Variants in PIK3CD observed in about 807,000 individuals in gnomAD.
The protein encoded by PIK3CD is phosphatidylinositol-4,5-bisphosphate 3-kinase catalytic subunit delta.
Under a neutral mutation model 122.9 loss-of-function variants are expected in PIK3CD, and 20 were observed. That is an observed-to-expected ratio of 0.16 (90% CI 0.11 to 0.24). The LOEUF is 0.24. Among genes scored for constraint, PIK3CD ranks in the 10% least tolerant of loss-of-function variants. The pLI, the probability that PIK3CD is intolerant of heterozygous loss-of-function variation, is 1.00. For synonymous variants in PIK3CD, 596 were observed against 593.4 expected (o/e 1.00, Z -0.06); for missense variants, 787 against 1,406.3 (o/e 0.56, Z 7.04).
chr1:9,713,171 C>T (rs1036660958), intron 3 of PIK3CD, among the ~76,000 whole-genome samples: 2 of 151,632 alleles, frequency 1.3e-5, no homozygotes, highest in Non-Finnish European at 2.9e-5. Context: ...GCGACAAGAG[C>T]GAAACTCTGT....
rs764123726 is a variant in PIK3CD at position 9,653,956 on chromosome 1, A to G, written c.-138+2154A>G. 2.2e-6 allele frequency: 3 copies of G among 1,357,818 alleles called. No homozygotes were observed. The African/African-American group carries it at 4.4e-5, about 20-fold the overall frequency. The allele number at this position is 1,357,818 out of a possible 1,614,324, so 84.1% of individuals were successfully genotyped here. On this transcript the variant is annotated intron_variant, in intron 1 of 23. Coordinates refer to ENST00000377346, the MANE Select transcript of PIK3CD (RefSeq NM_005026.5). The stretch of plus-strand genomic sequence containing the variant: ...AGCGGTAGCTCATACCTGTCATCCC[A>G]GTGCTTTGGGAGGCCCAGACGGGAG...
intron 2 of PIK3CD, among the ~76,000 whole-genome samples, chr1:9,705,294 T>C (rs1293444551): frequency 3.7e-5 from 5 of 135,680 alleles, no homozygotes; most frequent in Non-Finnish European, 6.3e-5. Context: ...TAAAAACATA[T>C]ATTTTTTTAA....
In PIK3CD at chr1:9,718,121, T is replaced by C. The variant is rs765384547; in HGVS notation, c.1020+495T>C. On this transcript the variant is annotated intron_variant, in intron 8 of 23. Coordinates refer to ENST00000377346, the MANE Select transcript of PIK3CD (RefSeq NM_005026.5). This position sits in a 1 kb window ranked among gnomAD's most constrained non-coding sequence, Gnocchi z 7.2. ...AACAGCCTGCAGTCATGGGCTTTATTGTCCTGTTTGCTGGACATGATACCT... is the reference window on the plus strand; with the variant it reads ...AACAGCCTGCAGTCATGGGCTTTATCGTCCTGTTTGCTGGACATGATACCT... The C allele has an allele frequency of 2.2e-6, 1 of 463,848 alleles. No homozygotes were observed. The highest frequency in any genetic ancestry group is 1.5e-5 in the South Asian group (1 of 64,638). The allele number at this position is 463,848 out of a possible 1,614,324, so 28.7% of individuals were successfully genotyped here.
intron 6 of PIK3CD, 91 bp downstream of exon 6, chr1:9,716,710 T>C: frequency 7.2e-7 from 1 of 1,384,304 alleles, no homozygotes; most frequent in Non-Finnish European, 1.0e-6. Context: ...TGGGCGCACC[T>C]TGAGCCTGCC....
At position 9,718,266 on chromosome 1, in the gene PIK3CD, G is replaced by C; in HGVS notation, c.1021-428G>C. The C allele has an allele frequency of 2.1e-6, 1 of 466,794 alleles. No individual in the cohort carries two copies. The allele number at this position is 466,794 out of a possible 1,614,324, so 28.9% of individuals were successfully genotyped here. On this transcript the variant is annotated intron_variant, in intron 8 of 23. Transcript: ENST00000377346. This position sits in a 1 kb window ranked among gnomAD's most constrained non-coding sequence, Gnocchi z 7.2. ...GGGGACTGGATCAGAGGGACTTCCA[G>C]GGTGGTGGTGTCAGGTGGAATTGGA...
the PIK3CD span, among the ~76,000 whole-genome samples, chr1:9,644,658 A>G: frequency 1.3e-5 from 2 of 152,102 alleles, no homozygotes; most frequent in South Asian, 4.1e-4. Flanking sequence ...TTTATTTTTA[A>G]CTGTTGTCAT....
chr1:9,655,800 G>A (rs1049363390), intron 1 of PIK3CD, among the ~76,000 whole-genome samples: 1 of 149,250 alleles, frequency 6.7e-6, no homozygotes, highest in African/African-American at 2.5e-5. Context: ...AGGTTCAAGC[G>A]ATTCTCCCAC....
Position 9,715,700 on chromosome 1 carries a change from C to T in PIK3CD, c.301C>T (p.Leu101=), listed in dbSNP as rs1283019119. The T allele has an allele frequency of 9.9e-6, 16 of 1,613,652 alleles. No homozygotes were observed. Among genetic ancestry groups the T allele is most frequent in the Non-Finnish European group, 1.3e-5 (15 of 1,180,034 alleles). ...GCAGCCCTTCCTGCCCGTCCTGCGC[C>T]TGGTGGCCCGTGAGGGCGACCGCGT... ...DVQPFLPVLR[L]VAREGDRVKK... Residue 101 remains leucine (L), a synonymous_variant, in exon 4 of 24, where the codon CTG becomes TTG. Transcript: ENST00000377346. The surrounding 1 kb of genome is among the most constrained non-coding windows in gnomAD (Gnocchi z 4.1).
At chr1:9,645,926 A>ATTTTTT in the PIK3CD span, among the ~76,000 whole-genome samples, 3 of 150,792 alleles carry the variant, frequency 2.0e-5, no homozygotes. Context: ...TTTATTTTTT[A>ATTTTTT]TTTTTTTATT....
At position 9,691,947 on chromosome 1, in the gene PIK3CD, T is replaced by A. The variant is rs141774626; in HGVS notation, c.-33+376T>A. 1.8e-5 allele frequency: 3 copies of A among 165,412 alleles called. No homozygotes were observed. In the South Asian group the frequency reaches 6.1e-4, roughly 34 times the overall value. The allele number at this position is 165,412 out of a possible 1,614,324, so 10.2% of individuals were successfully genotyped here. A position where few individuals can be genotyped will look rare whatever the true frequency, so the allele number is the denominator to read the frequency against. ...AATATTAAAAGTTTTCTGGAGGAAATGGATTGAATTTTTATAATTCAGTGT... is the reference window on the plus strand; with the variant it reads ...AATATTAAAAGTTTTCTGGAGGAAAAGGATTGAATTTTTATAATTCAGTGT... On this transcript the variant is annotated intron_variant, in intron 2 of 23. Coordinates refer to ENST00000377346, the MANE Select transcript of PIK3CD (RefSeq NM_005026.5).
At position 9,727,668 on chromosome 1, in the gene PIK3CD, T is replaced by C. The variant is rs1430264359; in HGVS notation, c.*622T>C. ...CACCACACCTCTACGGCTGGGGAGA[T>C]CAGGCCCAGCCCCATAAAGGAGAAT... is the stretch of plus-strand genomic sequence containing the variant. On this transcript the variant is annotated 3_prime_UTR_variant, in exon 24 of 24. Coordinates refer to ENST00000377346, the MANE Select transcript of PIK3CD (RefSeq NM_005026.5). 6 of 218,384 alleles carry C rather than the reference T, an allele frequency of 2.7e-5. No homozygotes were observed. Among genetic ancestry groups the C allele is most frequent in the African/African-American group, 1.1e-4 (5 of 43,948 alleles). The allele number at this position is 218,384 out of a possible 1,614,324, so 13.5% of individuals were successfully genotyped here.
chr1:9,689,444 C>T lies in PIK3CD; in HGVS notation c.-137-2023C>T, dbSNP rs1045864638. 2.7e-5 allele frequency among the ~76,000 whole-genome samples: 4 copies of T among 149,902 alleles called. No homozygotes were observed. Among genetic ancestry groups the T allele is most frequent in the Non-Finnish European group, 6.0e-5 (4 of 67,104 alleles). ...GAGAATTTGCCGACGGTGCCCGCGC[C>T]GCCGCCGGCCCCGGCCCCGCCCCAG... On this transcript the variant is annotated intron_variant, in intron 1 of 23. Transcript: ENST00000377346. This position sits in a 1 kb window ranked among gnomAD's most constrained non-coding sequence, Gnocchi z 6.1.
intron 1 of PIK3CD, among the ~76,000 whole-genome samples, chr1:9,673,817 C>T (rs1172568561): frequency 6.6e-6 from 1 of 152,184 alleles, no homozygotes; most frequent in Non-Finnish European, 1.5e-5. Context: ...TACTAGGTTT[C>T]TGAAGCACTC....
rs561390898 is a variant in PIK3CD, at chr1:9,674,787, T to C, written c.-137-16680T>C. Among the ~76,000 whole-genome samples the C allele has an allele frequency of 3.3e-4, 50 of 151,864 alleles. 1 individual carries two copies. Among genetic ancestry groups the C allele is most frequent in the African/African-American group, 1.1e-3 (47 of 41,426 alleles). ...TGGTTCATGCTTGTAATCCCAGCAC[T>C]TTGGAAGGCTGAGGTGGGCAGATTG... On this transcript the variant is annotated intron_variant, in intron 1 of 23. Transcript: ENST00000377346.
At chr1:9,699,466 T>C (rs1646543696) in intron 2 of PIK3CD, among the ~76,000 whole-genome samples, 1 of 152,148 alleles carries the variant, frequency 6.6e-6, no homozygotes, top group African/African-American at 2.4e-5. Flanking sequence ...GATTTCTCCT[T>C]GTAATGATAC....
chr1:9,657,393 C>T (rs547216999), intron 1 of PIK3CD, among the ~76,000 whole-genome samples: 9 of 152,198 alleles, frequency 5.9e-5, no homozygotes, highest in Middle Eastern at 3.4e-3. Flanking sequence ...TTTCTGGGGA[C>T]GGTGGGAAGT....
chr1:9,701,071 G>A (rs972193930), intron 2 of PIK3CD, among the ~76,000 whole-genome samples: 3 of 151,936 alleles, frequency 2.0e-5, no homozygotes, highest in East Asian at 1.9e-4. Context: ...GATGAAAATC[G>A]CATCCCTCAC....
At chr1:9,660,546 A>G (rs1180386195) in intron 1 of PIK3CD, among the ~76,000 whole-genome samples, 2 of 152,222 alleles carry the variant, frequency 1.3e-5, no homozygotes, top group Non-Finnish European at 2.9e-5. Context: ...AGAAAAAATT[A>G]CAGTCATTAT....
upstream of PIK3CD, among the ~76,000 whole-genome samples, chr1:9,648,054 G>C (rs758817243): frequency 6.6e-6 from 1 of 152,144 alleles, no homozygotes; most frequent in Admixed American, 6.6e-5. Context: ...ATATTGGTTT[G>C]GTCTGTTGGA....
Sources: allele counts gnomAD v4.1 joint callset (sites outside exome capture counted in the v4.1 genomes callset), GRCh38; gene constraint gnomAD v4.1.1; non-coding constraint Gnocchi (gnomAD v3.1); transcripts MANE v1.5; gene names NCBI Gene and HGNC (gene_info 2026-07-23, HGNC 2026-07-21).